CLSPN: variants seen among roughly 807,000 people sequenced by gnomAD.
CLSPN encodes the protein claspin, also known as claspin homolog.
CLSPN carries 85 observed loss-of-function variants against 156.3 expected under a neutral mutation model. The observed-to-expected ratio is 0.54, with a 90% CI of 0.46 to 0.65. The LOEUF (loss-of-function observed/expected upper bound fraction) is 0.65, where lower values mean the gene tolerates loss of function less well. Ranked by LOEUF, CLSPN falls within the 30% of genes least tolerant of loss-of-function variation. The pLI is 0.00. For missense variants in CLSPN, 1,407 were observed against 1,554.9 expected (o/e 0.90, Z 1.60); for synonymous variants, 534 against 542.4 (o/e 0.98, Z 0.22).
chr1:35,737,535 C>T, intron 22 of CLSPN, 114 bp from the exon 23 acceptor site: 1 of 771,974 alleles, frequency 1.3e-6, no homozygotes, highest in South Asian at 1.6e-5. Context: ...GCCATGGGAA[C>T]TCTGTTCTAT....
chr1:35,739,655 A>T (rs539351625), intron 18 of CLSPN, 126 bp from the exon 19 acceptor site: 1 of 669,640 alleles, frequency 1.5e-6, no homozygotes, highest in African/African-American at 1.9e-5. Context: ...TAATATTTAA[A>T]TTTTTTTGTA....
rs1641376642 is a variant in CLSPN, at chr1:35,733,654, A to G, written c.*2842T>C. The G allele has an allele frequency of 1.0e-6, 1 of 985,456 alleles. No individual in the cohort carries two copies. Among genetic ancestry groups the G allele is most frequent in the African/African-American group, 1.7e-5 (1 of 57,370 alleles). The allele number at this position is 985,456 out of a possible 1,614,324, so 61.0% of individuals were successfully genotyped here. On this transcript the variant is annotated 3_prime_UTR_variant, in exon 25 of 25. Transcript: ENST00000318121. ...TGAACCCATGGATAAAATGAAGTACATACAAACTTAGCTAAAGAGAAAGGC... is the reference window on the plus strand; with the variant it reads ...TGAACCCATGGATAAAATGAAGTACGTACAAACTTAGCTAAAGAGAAAGGC...
Position 35,735,689 on chromosome 1 carries a change from CA to C in CLSPN, c.*806del. ...CGCCACTGCACTCCAGACTGGGCAA[CA>C]AAGTGAGACTATCTCAAAAAAAAAA... On this transcript the variant is annotated 3_prime_UTR_variant, in exon 25 of 25. Coordinates refer to ENST00000318121, the MANE Select transcript of CLSPN (RefSeq NM_022111.4). 1 of 976,734 alleles carries C rather than the reference CA, an allele frequency of 1.0e-6. No homozygotes were observed. The highest frequency in any genetic ancestry group is 1.2e-6 in the Non-Finnish European group (1 of 824,108). The allele number at this position is 976,734 out of a possible 1,614,324, so 60.5% of individuals were successfully genotyped here.
chr1:35,733,984 A>G lies in CLSPN; in HGVS notation c.*2512T>C. 1.0e-6 allele frequency: 1 copy of G among 984,232 alleles called. No homozygotes were observed. The allele number at this position is 984,232 out of a possible 1,614,324, so 61.0% of individuals were successfully genotyped here. On this transcript the variant is annotated 3_prime_UTR_variant, in exon 25 of 25. Transcript: ENST00000318121. ...AACAGAATGAGACTGTCTCTAAAAA[A>G]TAAGTTTTTTAAACAAAGAGCTATA...
In CLSPN at chr1:35,751,512, C is replaced by T; in HGVS notation, c.1772-6G>A. The T allele has an allele frequency of 6.2e-7, 1 of 1,610,898 alleles. No individual in the cohort carries two copies. Among genetic ancestry groups the T allele is most frequent in the Middle Eastern group, 1.7e-4 (1 of 6,038 alleles). On this transcript the variant is annotated splice_region_variant and splice_polypyrimidine_tract_variant and intron_variant, in intron 9 of 24. Transcript: ENST00000318121. ...TAACACCTGAAGCTTTTCACCTGAA[C>T]AGAAATATGTAGAAATGCTTTAGAC...
chr1:35,735,948 A>G lies in CLSPN; in HGVS notation c.*548T>C, dbSNP rs1641453623. ...TGAAACCTAACCCAAGGCCAGGTGCAGTGACTCATGCATGTGACCAGCACT... is the reference window on the plus strand; with the variant it reads ...TGAAACCTAACCCAAGGCCAGGTGCGGTGACTCATGCATGTGACCAGCACT... On this transcript the variant is annotated 3_prime_UTR_variant, in exon 25 of 25. Transcript: ENST00000318121. 1.0e-6 allele frequency: 1 copy of G among 985,142 alleles called. No individual in the cohort carries two copies. 61.0% of individuals were successfully genotyped at this position (985,142 alleles called of 1,614,324 possible).
At chr1:35,756,638 T>A (rs1279178638) in intron 8 of CLSPN, among the ~76,000 whole-genome samples, 2 of 152,204 alleles carry the variant, frequency 1.3e-5, no homozygotes, top group Admixed American at 6.5e-5. Flanking sequence ...CTCATTCACA[T>A]TGCTCTTGTC....
intron 9 of CLSPN, among the ~76,000 whole-genome samples, chr1:35,753,026 C>G (rs1642145151): frequency 6.6e-6 from 1 of 152,062 alleles, no homozygotes; most frequent in Non-Finnish European, 1.5e-5. Context: ...TGAGAGCTGT[C>G]CTTAATACAT....
intron 10 of CLSPN, 118 bp from the exon 11 acceptor site, chr1:35,749,929 G>T: frequency 8.2e-7 from 1 of 1,216,752 alleles, no homozygotes; most frequent in Non-Finnish European, 1.1e-6. Context: ...ATTCAAAAAG[G>T]TAAACTTGAA....
intron 8 of CLSPN, among the ~76,000 whole-genome samples, chr1:35,758,778 T>C (rs954828674): frequency 6.6e-6 from 1 of 150,530 alleles, no homozygotes; most frequent in African/African-American, 2.4e-5. Flanking sequence ...AGCCCACAAG[T>C]CATATAGTGC....
intron 1 of CLSPN, among the ~76,000 whole-genome samples, chr1:35,768,281 T>C (rs1451423641): frequency 6.6e-6 from 1 of 151,792 alleles, no homozygotes; most frequent in Non-Finnish European, 1.5e-5. Context: ...GGCAGGAGAA[T>C]CGCTTGAATC....
chr1:35,751,277 CTCT>C lies in CLSPN; in HGVS notation c.1998_2000del (p.Glu672del), dbSNP rs1450539484. 6.3e-6 allele frequency: 10 copies of C among 1,593,876 alleles called. No homozygotes were observed. Among genetic ancestry groups the C allele is most frequent in the Admixed American group, 1.7e-5 (1 of 59,734 alleles). On this transcript the variant is annotated inframe_deletion, in exon 10 of 25. Transcript: ENST00000318121. The stretch of plus-strand genomic sequence containing the variant: ...CCTGATTTCCTTCTTCTTCCTCCTC[CTCT>C]TCTTTCTCCTCCTCTTCCTCTAGTT...
intron 10 of CLSPN, among the ~76,000 whole-genome samples, chr1:35,750,141 C>A (rs1445902968): frequency 6.6e-6 from 1 of 152,090 alleles, no homozygotes; most frequent in Non-Finnish European, 1.5e-5. Context: ...CAAGCACAGA[C>A]TGAGACAGGC....
Position 35,749,585 on chromosome 1 carries a change from G to C in CLSPN, c.2207+48C>G, listed in dbSNP as rs774911390. On this transcript the variant is annotated intron_variant, in intron 11 of 24. Coordinates refer to ENST00000318121, the MANE Select transcript of CLSPN (RefSeq NM_022111.4). ...GTATCTGTTCCTAGTTTTTACAGGAGGGGCAAATCCAAGGCAATTTTAAGT... is the reference window on the plus strand; with the variant it reads ...GTATCTGTTCCTAGTTTTTACAGGACGGGCAAATCCAAGGCAATTTTAAGT... 4 of 1,613,592 alleles carry C rather than the reference G, an allele frequency of 2.5e-6. No individual in the cohort carries two copies. The African/African-American group carries it at 5.3e-5, about 22-fold the overall frequency.
At chr1:35,728,223 A>T (rs1161103929), downstream of CLSPN, among the ~76,000 whole-genome samples, 1 of 152,060 alleles carries the variant, frequency 6.6e-6, no homozygotes, top group Non-Finnish European at 1.5e-5. Flanking sequence ...TTGGAACCAC[A>T]GGTGCATGCC....
chr1:35,755,271 T>TG (rs2148622331), intron 8 of CLSPN, among the ~76,000 whole-genome samples: 1 of 151,314 alleles, frequency 6.6e-6, no homozygotes, highest in East Asian at 1.9e-4. Flanking sequence ...AGCTAATTTT[T>TG]TTTTTTTTTT....
intron 1 of CLSPN, among the ~76,000 whole-genome samples, chr1:35,768,916 T>C (rs1035142513): frequency 3.9e-5 from 6 of 152,086 alleles, no homozygotes; most frequent in Admixed American, 3.9e-4. Flanking sequence ...TCAAAATGAA[T>C]AACATTAATG....
intron 14 of CLSPN, among the ~76,000 whole-genome samples, chr1:35,747,195 G>A (rs1218374954): frequency 1.3e-5 from 2 of 152,088 alleles, no homozygotes; most frequent in African/African-American, 2.4e-5. Flanking sequence ...GGTGGTGGGC[G>A]CCTGTAGTCC....
At chr1:35,724,271 G>C (rs563775415) in intron 24 of CLSPN, among the ~76,000 whole-genome samples, 1 of 152,302 alleles carries the variant, frequency 6.6e-6, no homozygotes, top group African/African-American at 2.4e-5. Flanking sequence ...CAGGCCTTGA[G>C]GGATGAATAA....
Sources: gnomAD v4.1 joint callset for allele counts (sites outside exome capture counted in the v4.1 genomes callset) on GRCh38, gnomAD v4.1.1 for gene constraint, MANE v1.5 for transcripts, NCBI Gene and HGNC (gene_info 2026-07-23, HGNC 2026-07-21) for gene names.